ATRNL1: variants seen among roughly 807,000 people sequenced by gnomAD.
ATRNL1 encodes attractin-like protein 1.
In ATRNL1, 95 loss-of-function variants were observed where a neutral mutation model predicts 182.7. That is an observed-to-expected ratio of 0.52 (90% CI 0.44 to 0.62). ATRNL1 has a LOEUF of 0.62. ATRNL1 is among the 20% of genes least tolerant of loss of function. The pLI, the probability that ATRNL1 is intolerant of heterozygous loss-of-function variation, is 0.00. For missense variants in ATRNL1, 1,471 were observed against 1,679.5 expected (o/e 0.88, Z 2.17); for synonymous variants, 576 against 568.3 (o/e 1.01, Z -0.19).
At chr10:115,266,466 C>A (rs1554910709) in intron 11 of ATRNL1, among the ~76,000 whole-genome samples, 1 of 151,358 alleles carries the variant, frequency 6.6e-6, no homozygotes, top group Non-Finnish European at 1.5e-5. Flanking sequence ...ATTTTTCTGA[C>A]AAAGGAATAT....
chr10:115,775,211 C>T (rs1949093540), intron 27 of ATRNL1, among the ~76,000 whole-genome samples: 2 of 152,140 alleles, frequency 1.3e-5, no homozygotes, highest in African/African-American at 2.4e-5. Context: ...ATAGCTTTAG[C>T]TTGTCAGTTT....
intron 27 of ATRNL1, among the ~76,000 whole-genome samples, chr10:115,803,908 G>A (rs182970924): frequency 2.6e-4 from 39 of 152,232 alleles, no homozygotes; most frequent in Admixed American, 1.2e-3. Flanking sequence ...TAAAGATGAC[G>A]AGATATCTAT....
intron 8 of ATRNL1, among the ~76,000 whole-genome samples, chr10:115,208,942 G>A (rs1249598969): frequency 1.3e-5 from 2 of 151,698 alleles, no homozygotes; most frequent in Admixed American, 6.6e-5. Context: ...ATCTCACTGA[G>A]TTTCTGTTTA....
intron 25 of ATRNL1, among the ~76,000 whole-genome samples, chr10:115,545,443 C>T (rs781976311): frequency 1.3e-5 from 2 of 151,852 alleles, no homozygotes; most frequent in Admixed American, 1.3e-4. Flanking sequence ...TACTGCTAAC[C>T]TAATAGGAAT....
At chr10:115,354,218 T>C (rs1182084886) in intron 19 of ATRNL1, among the ~76,000 whole-genome samples, 1 of 152,192 alleles carries the variant, frequency 6.6e-6, no homozygotes, top group Non-Finnish European at 1.5e-5. Flanking sequence ...AATGTTGGAC[T>C]CTTCTGTTAG....
At chr10:115,749,800 A>G (rs1356128165) in intron 27 of ATRNL1, among the ~76,000 whole-genome samples, 1 of 151,916 alleles carries the variant, frequency 6.6e-6, no homozygotes, top group Non-Finnish European at 1.5e-5. Context: ...AAAAAAATTA[A>G]ATTTGAAGCC....
chr10:115,290,365 G>C (rs570104000), intron 15 of ATRNL1, among the ~76,000 whole-genome samples: 2 of 152,238 alleles, frequency 1.3e-5, no homozygotes, highest in South Asian at 4.1e-4. Flanking sequence ...GAAATTAAGA[G>C]CAGAGGTTGC....
intron 26 of ATRNL1, among the ~76,000 whole-genome samples, chr10:115,631,774 C>CT (rs782738046): frequency 5.2e-4 from 79 of 152,018 alleles, no homozygotes; most frequent in Non-Finnish European, 9.6e-4. Flanking sequence ...ATACTGATAC[C>CT]TTCTGATATT....
intron 25 of ATRNL1, among the ~76,000 whole-genome samples, chr10:115,523,301 GGAAGCCCA>G (rs1554985732): frequency 1.3e-5 from 2 of 152,116 alleles, no homozygotes; most frequent in African/African-American, 4.8e-5. Flanking sequence ...GTCTGTGATG[GGAAGCCCA>G]GAAGCCTGCC....
chr10:115,574,110 A>G (rs1384891100), intron 26 of ATRNL1, among the ~76,000 whole-genome samples: 1 of 152,026 alleles, frequency 6.6e-6, no homozygotes, highest in Non-Finnish European at 1.5e-5. Flanking sequence ...TACTTACGAT[A>G]AAAAGCAAAC....
At chr10:115,549,588 G>A (rs1336108) in intron 26 of ATRNL1, 52 bp downstream of exon 26, 870,562 of 1,245,974 alleles carry the variant, frequency 0.7, 311,526 homozygotes, top group African/African-American at 0.79. Context: ...CAAATATATG[G>A]ATCTCTATTG....
chr10:115,591,085 C>G (rs1555012048), intron 26 of ATRNL1, among the ~76,000 whole-genome samples: 1 of 152,154 alleles, frequency 6.6e-6, no homozygotes, highest in Non-Finnish European at 1.5e-5. Context: ...CTAGCACGTA[C>G]AAGATATGCA....
At chr10:115,770,394 T>C (rs1470927991) in intron 27 of ATRNL1, among the ~76,000 whole-genome samples, 1 of 152,186 alleles carries the variant, frequency 6.6e-6, no homozygotes, top group African/African-American at 2.4e-5. Flanking sequence ...TACAGAATTA[T>C]GTAATTTTGT....
intron 19 of ATRNL1, among the ~76,000 whole-genome samples, chr10:115,391,936 G>A (rs1038718394): frequency 1.1e-4 from 16 of 151,922 alleles, no homozygotes; most frequent in Admixed American, 1.0e-3. Context: ...TTTGCTAATG[G>A]CAAGTTAAAT....
At chr10:115,346,152 G>C (rs1408087574) in intron 19 of ATRNL1, among the ~76,000 whole-genome samples, 1 of 152,114 alleles carries the variant, frequency 6.6e-6, no homozygotes, top group Non-Finnish European at 1.5e-5. Context: ...ATACAGTTTA[G>C]TGGCATTAAG....
intron 10 of ATRNL1, among the ~76,000 whole-genome samples, chr10:115,254,834 A>G (rs1851046482): frequency 6.6e-6 from 1 of 152,326 alleles, no homozygotes; most frequent in East Asian, 1.9e-4. Context: ...GAAGGGATCC[A>G]GTTTCAGCTT....
intron 21 of ATRNL1, among the ~76,000 whole-genome samples, chr10:115,460,169 T>C (rs1847723552): frequency 6.6e-6 from 1 of 152,190 alleles, no homozygotes; most frequent in African/African-American, 2.4e-5. Context: ...TTGGACCTCT[T>C]GTCTATCTAC....
intron 1 of ATRNL1, among the ~76,000 whole-genome samples, chr10:115,098,241 A>C (rs1554863636): frequency 1.3e-5 from 2 of 152,114 alleles, no homozygotes; most frequent in African/African-American, 4.8e-5. Flanking sequence ...CATGGTTTTC[A>C]AGAACACGTG....
intron 25 of ATRNL1, among the ~76,000 whole-genome samples, chr10:115,532,178 A>G (rs1383024581): frequency 1.3e-5 from 2 of 152,156 alleles, no homozygotes; most frequent in African/African-American, 4.8e-5. Flanking sequence ...AGTCATTGGT[A>G]GCTTGATGGG....
Sources: allele counts gnomAD v4.1 joint callset (sites outside exome capture counted in the v4.1 genomes callset), GRCh38; gene constraint gnomAD v4.1.1; transcripts MANE v1.5; gene names NCBI Gene and HGNC (gene_info 2026-07-23, HGNC 2026-07-21).